Variants in SFXN4 observed in about 807,000 individuals in gnomAD.
The protein encoded by SFXN4 is sideroflexin 4, also known as sideroflexin-4.
SFXN4 carries 48 observed loss-of-function variants against 54.6 expected under a neutral mutation model. The observed-to-expected ratio is 0.88, with a 90% CI of 0.70 to 1.12. The LOEUF (loss-of-function observed/expected upper bound fraction) is 1.12, where lower values mean the gene tolerates loss of function less well. Among genes scored for constraint, SFXN4 ranks in the 50% most tolerant of loss-of-function variants. SFXN4 has a pLI of 0.00. For synonymous variants in SFXN4, 130 were observed against 145.5 expected, an observed-to-expected ratio of 0.89 and a Z score of 0.77; for missense variants, 383 against 409.2, an observed-to-expected ratio of 0.94 and a Z score of 0.55.
In SFXN4 at chr10:119,160,282, C is replaced by T. The variant is rs529309433; in HGVS notation, c.335-529G>A. ...CCAGCACTTTGGGAGGCCAAGTGGG[C>T]GGATCAGAAGGTCAGGAGTTCGAGA... On this transcript the variant is annotated intron_variant, in intron 5 of 13. Transcript: ENST00000355697. Among the ~76,000 whole-genome samples, 6 of 151,922 alleles carry T rather than the reference C, an allele frequency of 3.9e-5. 1 individual carries two copies. Among genetic ancestry groups the T allele is most frequent in the East Asian group, 1.9e-4 (1 of 5,130 alleles).
chr10:119,146,713 C>T (rs556839906), intron 12 of SFXN4, among the ~76,000 whole-genome samples: 4 of 152,164 alleles, frequency 2.6e-5, no homozygotes, highest in South Asian at 2.1e-4. Context: ...GGATTATAGG[C>T]GCCCGCCACC....
chr10:119,142,444 C>T (rs2133560642), intron 13 of SFXN4, among the ~76,000 whole-genome samples: 1 of 151,554 alleles, frequency 6.6e-6, no homozygotes, highest in Admixed American at 6.6e-5. Flanking sequence ...ACAGTAGTTA[C>T]AAAACTACTA....
intron 13 of SFXN4, among the ~76,000 whole-genome samples, chr10:119,142,411 A>C (rs910464994): frequency 1.3e-5 from 2 of 152,066 alleles, no homozygotes; most frequent in Non-Finnish European, 2.9e-5. Flanking sequence ...ATCATTATTG[A>C]TATAGTACTT....
rs1470079382 is a variant in SFXN4, at chr10:119,156,645, C to T, written c.616+33G>A. ...GCTCACAGACCACAAAGACACCCCA[C>T]CCAGACTGCAGCCTCCAGCCCTTCC... On this transcript the variant is annotated intron_variant, in intron 10 of 13. Coordinates refer to ENST00000355697, the MANE Select transcript of SFXN4 (RefSeq NM_213649.2). 4 of 1,543,908 alleles carry T rather than the reference C, an allele frequency of 2.6e-6. No individual in the cohort carries two copies. In the South Asian group the frequency reaches 4.6e-5, roughly 18 times the overall value.
chr10:119,161,437 C>CCCAA (rs61268542), intron 3 of SFXN4, among the ~76,000 whole-genome samples: 1 of 119,840 alleles, frequency 8.3e-6, no homozygotes, highest in African/African-American at 3.2e-5. Flanking sequence ...CAAAAAAAAA[C>CCCAA]AAAAAAAAAA....
At chr10:119,142,329 AT>A (rs967448305) in intron 13 of SFXN4, among the ~76,000 whole-genome samples, 3 of 151,906 alleles carry the variant, frequency 2.0e-5, no homozygotes, top group African/African-American at 4.8e-5. Context: ...CAGCAGTAGG[AT>A]TTTTTTCCTT....
intron 13 of SFXN4, among the ~76,000 whole-genome samples, chr10:119,145,881 G>A (rs914091118): frequency 1.3e-5 from 2 of 152,114 alleles, no homozygotes; most frequent in African/African-American, 4.8e-5. Flanking sequence ...GGAGTGCAGT[G>A]GTGCAATCAT....
At chr10:119,142,602 G>A (rs1846583470) in intron 13 of SFXN4, among the ~76,000 whole-genome samples, 2 of 145,420 alleles carry the variant, frequency 1.4e-5, no homozygotes, top group South Asian at 4.4e-4. Context: ...CCAGGCTGGA[G>A]TGCAGTGGCG....
chr10:119,151,728 C>G (rs1354187651), intron 11 of SFXN4, among the ~76,000 whole-genome samples: 1 of 151,796 alleles, frequency 6.6e-6, no homozygotes, highest in Non-Finnish European at 1.5e-5. Context: ...GTTGGCCAGG[C>G]TGGTCTCAAA....
chr10:119,162,147 G>T (rs1847576455), intron 3 of SFXN4, 193 bp downstream of exon 3: 1 of 553,934 alleles, frequency 1.8e-6, no homozygotes, highest in African/African-American at 1.9e-5. Context: ...ACCCAGTTTT[G>T]CAAAGCTGGT....
chr10:119,165,077 C>T (rs939236218), intron 1 of SFXN4: 2 of 319,158 alleles, frequency 6.3e-6, no homozygotes, highest in South Asian at 1.2e-4. Context: ...ACCTGTAAGG[C>T]TCACATCATA....
chr10:119,142,158 C>T lies in SFXN4; in HGVS notation c.937-839G>A, dbSNP rs551898007. Among the ~76,000 whole-genome samples, 7 of 152,248 alleles carry T rather than the reference C, an allele frequency of 4.6e-5. No homozygotes were observed. In the South Asian group the frequency reaches 1.2e-3, roughly 27 times the overall value. ...AAGGCTGCAGTAAGCCATGATCATA[C>T]CACTGCCCTCCAGCCTGGGCAACAG... On this transcript the variant is annotated intron_variant, in intron 13 of 13. Coordinates refer to ENST00000355697, the MANE Select transcript of SFXN4 (RefSeq NM_213649.2).
At chr10:119,162,127 T>A in intron 3 of SFXN4, 2 of 550,210 alleles carry the variant, frequency 3.6e-6, no homozygotes, top group South Asian at 2.4e-5. Flanking sequence ...TAACTACATT[T>A]AAAAAACTAA....
intron 6 of SFXN4, 143 bp downstream of exon 6, chr10:119,159,585 G>T: frequency 1.2e-6 from 1 of 863,460 alleles, no homozygotes; most frequent in Non-Finnish European, 1.9e-6. Flanking sequence ...AGCAGCCATG[G>T]GTTATCAGTG....
At chr10:119,149,092 G>A (rs1951644190) in intron 11 of SFXN4, among the ~76,000 whole-genome samples, 1 of 152,060 alleles carries the variant, frequency 6.6e-6, no homozygotes, top group African/African-American at 2.4e-5. Context: ...TCACTATGTT[G>A]CCCAAGCTGG....
chr10:119,146,034 T>C (rs200311241), intron 13 of SFXN4, among the ~76,000 whole-genome samples: 1 of 152,208 alleles, frequency 6.6e-6, no homozygotes, highest in East Asian at 1.9e-4. Context: ...CTATGTTGCC[T>C]AGGCAGGTCT....
Position 119,158,045 on chromosome 10 carries a change from C to A in SFXN4, c.378G>T (p.Thr126=). 2 of 1,614,082 alleles carry A rather than the reference C, an allele frequency of 1.2e-6. No homozygotes were observed. Among genetic ancestry groups the A allele is most frequent in the Non-Finnish European group, 1.7e-6 (2 of 1,179,958 alleles). ...FMAPTVFLSM[T]PLKGIKSVIL... Reference sequence around the variant, plus strand: ...TCACGGACTTGATCCCTTTCAGTGGCGTCATTGACAAAAATACCTTTTAAG... The same window carrying A: ...TCACGGACTTGATCCCTTTCAGTGGAGTCATTGACAAAAATACCTTTTAAG... The change falls in exon 7 of 14, where the codon ACG becomes ACT. Residue 126 remains threonine, a synonymous_variant. Coordinates refer to ENST00000355697, the MANE Select transcript of SFXN4 (RefSeq NM_213649.2).
At position 119,160,962 on chromosome 10, in the gene SFXN4, A is replaced by C; in HGVS notation, c.287T>G (p.Val96Gly). 7.4e-6 allele frequency: 12 copies of C among 1,614,132 alleles called. No homozygotes were observed. The highest frequency in any genetic ancestry group is 1.0e-5 in the Non-Finnish European group (12 of 1,180,038). ...GATCAGGTTGCTGCTGTCGGGATGCACTGTTGCCTTCAAAAGGAGAGATGC... is the reference window on the plus strand; with the variant it reads ...GATCAGGTTGCTGCTGTCGGGATGCCCTGTTGCCTTCAAAAGGAGAGATGC... ...QEAWKRSLAT[V>G]HPDSSNLIPK... is the part of the protein sequence containing the mutation. Residue 96 changes from valine to glycine, a missense_variant, in exon 5 of 14, where the codon GTG becomes GGG. Val to Gly is a moderately radical substitution (Grantham distance 109). Coordinates refer to ENST00000355697, the MANE Select transcript of SFXN4 (RefSeq NM_213649.2).
intron 8 of SFXN4, 39 bp from the exon 9 acceptor site, chr10:119,157,772 A>T (rs1248925966): frequency 6.2e-7 from 1 of 1,602,668 alleles, no homozygotes; most frequent in Non-Finnish European, 8.5e-7. Flanking sequence ...CAAATATCAC[A>T]GTTTTATCCA....
Sources: gnomAD v4.1 joint callset for allele counts (sites outside exome capture counted in the v4.1 genomes callset) on GRCh38, gnomAD v4.1.1 for gene constraint, MANE v1.5 for transcripts, NCBI Gene and HGNC (gene_info 2026-07-23, HGNC 2026-07-21) for gene names.